Variants in COL12A1 observed in about 807,000 individuals in gnomAD.
COL12A1 encodes collagen alpha-1(XII) chain.
COL12A1 carries 114 observed loss-of-function variants against 349.7 expected under a neutral mutation model. The observed-to-expected ratio is 0.33, with a 90% confidence interval of 0.28 to 0.38. The LOEUF (loss-of-function observed/expected upper bound fraction) is 0.38, where lower values mean the gene tolerates loss of function less well. Among genes scored for constraint, COL12A1 ranks in the 10% least tolerant of loss-of-function variants. The probability of loss-of-function intolerance (pLI) is 1.00; values close to 1 mark genes in which losing one functional copy is unlikely to be tolerated. For synonymous variants in COL12A1, 1,369 were observed against 1,329.0 expected, an observed-to-expected ratio of 1.03 and a Z score of -0.66; for missense variants, 3,284 against 3,756.9, an observed-to-expected ratio of 0.87 and a Z score of 3.29.
chr6:75,184,152 G>A lies in COL12A1; in HGVS notation c.998-8C>T. The A allele has an allele frequency of 1.2e-6, 2 of 1,611,642 alleles. No homozygotes were observed. Among genetic ancestry groups the A allele is most frequent in the Non-Finnish European group, 1.7e-6 (2 of 1,178,862 alleles). ...TTGAAGGAGGCTCAACAACTAAAAA[G>A]TTACAAGCAGACAGTGATTAATAAC... On this transcript the variant is annotated splice_polypyrimidine_tract_variant and splice_region_variant and intron_variant, in intron 8 of 65. Transcript: ENST00000322507.
At chr6:75,124,214 C>T (rs746832746) in intron 41 of COL12A1, 41 bp downstream of exon 41, 3 of 1,598,558 alleles carry the variant, frequency 1.9e-6, no homozygotes, top group Non-Finnish European at 2.6e-6. Context: ...AATGTTTCCA[C>T]TACATGCTCC....
At chr6:75,143,205 T>A in intron 26 of COL12A1, 47 bp downstream of exon 26, 1 of 1,607,388 alleles carries the variant, frequency 6.2e-7, no homozygotes, top group Non-Finnish European at 8.5e-7. Context: ...TTTTTAAACC[T>A]ACTAGGAAAA....
chr6:75,090,159 C>A lies in COL12A1; in HGVS notation c.8892G>T (p.Arg2964=). The A allele has an allele frequency of 6.2e-7, 1 of 1,613,982 alleles. No homozygotes were observed. Among genetic ancestry groups the A allele is most frequent in the Non-Finnish European group, 8.5e-7 (1 of 1,180,000 alleles). Residue 2964 remains arginine, a synonymous_variant, in exon 63 of 66, where the codon CGG becomes CGT. Transcript: ENST00000322507. This position sits in a 1 kb window ranked among gnomAD's most constrained non-coding sequence, Gnocchi z 4.1. ...TCCCTGGTGTGCCCGGGAAGCCTGG[C>A]CGCCCCCCAGGCCCAGGTTCTCCTC... The part of the protein sequence containing the change: ...GARGEPGPGG[R]PGFPGTPGMQ...
intron 51 of COL12A1, 97 bp from the exon 52 acceptor site, chr6:75,109,264 C>T (rs375282786): frequency 6.3e-6 from 5 of 798,362 alleles, no homozygotes; most frequent in East Asian, 3.1e-5. Context: ...GTTTTTTAAG[C>T]TATTCTCATC....
rs1198205824 is a variant in COL12A1, at chr6:75,113,597, C to T, written c.7840+5G>A. 6.3e-7 allele frequency: 1 copy of T among 1,598,482 alleles called. No individual in the cohort carries two copies. Among genetic ancestry groups the T allele is most frequent in the Non-Finnish European group, 8.5e-7 (1 of 1,171,316 alleles). The stretch of plus-strand genomic sequence containing the variant: ...ATGCATGTGCCTTAAGATAAAAATT[C>T]TTACGATCTGCAATCACTCCAACTT... On this transcript the variant is annotated splice_donor_5th_base_variant and intron_variant, in intron 50 of 65. Coordinates refer to ENST00000322507, the MANE Select transcript of COL12A1 (RefSeq NM_004370.6).
chr6:75,155,543 C>T (rs939226310), intron 16 of COL12A1, 119 bp downstream of exon 16: 2 of 1,038,124 alleles, frequency 1.9e-6, no homozygotes, highest in Non-Finnish European at 1.4e-6. Flanking sequence ...ATTTTAAATA[C>T]TTTGCTGGCA....
intron 3 of COL12A1, among the ~76,000 whole-genome samples, chr6:75,194,567 A>G (rs2149482314): frequency 6.6e-6 from 1 of 152,318 alleles, no homozygotes; most frequent in Admixed American, 6.5e-5. Flanking sequence ...TACTAACAAT[A>G]TTCTGATCAG....
intron 8 of COL12A1, among the ~76,000 whole-genome samples, chr6:75,185,614 C>A (rs146472809): frequency 0.013 from 1,983 of 152,194 alleles, 40 homozygotes; most frequent in African/African-American, 0.046. Context: ...ACTAGAAACA[C>A]CTATTTTAAA....
chr6:75,148,840 T>G (rs762416937), intron 21 of COL12A1, among the ~76,000 whole-genome samples: 1 of 152,198 alleles, frequency 6.6e-6, no homozygotes, highest in Non-Finnish European at 1.5e-5. Flanking sequence ...AATCTCATCT[T>G]GAATTGTAGC....
At chr6:75,204,919 A>G (rs562229590) in intron 1 of COL12A1, among the ~76,000 whole-genome samples, 1 of 152,056 alleles carries the variant, frequency 6.6e-6, no homozygotes, top group Non-Finnish European at 1.5e-5. Context: ...CTAGAAGACT[A>G]CAGAGTCCGG....
rs573442601 is a variant in COL12A1, at chr6:75,173,491, C to T, written c.2710+1547G>A. Among the ~76,000 whole-genome samples, 18 of 152,212 alleles carry T rather than the reference C, an allele frequency of 1.2e-4. No homozygotes were observed. The East Asian group carries it at 3.5e-3, about 29-fold the overall frequency. On this transcript the variant is annotated intron_variant, in intron 13 of 65. Transcript: ENST00000322507. ...TCTCGAGTTCAAGTGATTCTCCTGC[C>T]TCAGCTTCCCAAGTAGCTGGGATTA...
chr6:75,137,368 G>A, intron 31 of COL12A1, 69 bp downstream of exon 31: 1 of 1,395,840 alleles, frequency 7.2e-7, no homozygotes. Context: ...ACTAAGCACT[G>A]AGGGGGAAAA....
At chr6:75,179,542 C>CAA (rs58457506) in intron 11 of COL12A1, among the ~76,000 whole-genome samples, 107 of 112,166 alleles carry the variant, frequency 9.5e-4, no homozygotes, top group East Asian at 2.6e-3. Flanking sequence ...CTAAACCATG[C>CAA]AAAAAAAAAA....
Position 75,134,912 on chromosome 6 carries a change from T to A in COL12A1, c.5395-57A>T, listed in dbSNP as rs926614428. Reference sequence around the variant, plus strand: ...CCTTGCTCTCTCCATCTCACTAATCTGTTAGAAAAAGCTCTTTCTACAGGG... The same window carrying A: ...CCTTGCTCTCTCCATCTCACTAATCAGTTAGAAAAAGCTCTTTCTACAGGG... On this transcript the variant is annotated intron_variant, in intron 31 of 65. Transcript: ENST00000322507. 5.8e-6 allele frequency: 9 copies of A among 1,546,812 alleles called. No individual in the cohort carries two copies. The African/African-American group carries it at 9.5e-5, about 16-fold the overall frequency.
intron 8 of COL12A1, among the ~76,000 whole-genome samples, chr6:75,187,017 G>A (rs1346860934): frequency 4.0e-5 from 6 of 151,512 alleles, no homozygotes; most frequent in Non-Finnish European, 7.4e-5. Context: ...ATAACTAATG[G>A]GTACTAGGCT....
rs370770079 is a variant in COL12A1 at position 75,154,563 on chromosome 6, C to A, written c.3444-26G>T. 2.5e-6 allele frequency: 4 copies of A among 1,571,418 alleles called. No individual in the cohort carries two copies. In the African/African-American group the frequency reaches 4.1e-5, roughly 16 times the overall value. ...CTAAAATGTTAAAGTATATATATAG[C>A]CTGTGAGAACCATAGGCTCAAGTGG... On this transcript the variant is annotated intron_variant, in intron 16 of 65. Coordinates refer to ENST00000322507, the MANE Select transcript of COL12A1 (RefSeq NM_004370.6).
intron 8 of COL12A1, among the ~76,000 whole-genome samples, chr6:75,186,636 T>C (rs1769637374): frequency 6.6e-6 from 1 of 152,168 alleles, no homozygotes; most frequent in African/African-American, 2.4e-5. Context: ...CCAAGGAATA[T>C]AAATCATCCT....
Position 75,121,344 on chromosome 6 carries a change from A to G in COL12A1, c.7044T>C (p.Asn2348=). The change falls in exon 44 of 66, where the codon AAT becomes AAC. Residue 2348 remains asparagine (N), a synonymous_variant. Transcript: ENST00000322507. ...TGATTTCATCAAAGCCTCCCACAGT[A>G]TTGAAGATGAATTTTACAACTTTGT... ...NFNKVVKFIF[N]TVGGFDEISP... 2 of 1,612,464 alleles carry G rather than the reference A, an allele frequency of 1.2e-6. No homozygotes were observed. The highest frequency in any genetic ancestry group is 1.1e-5 in the South Asian group (1 of 90,874).
In COL12A1 at chr6:75,180,950, G is replaced by T. The variant is rs1242457672; in HGVS notation, c.2153C>A (p.Thr718Asn). The change falls in exon 11 of 66, where the codon ACC becomes AAC. Residue 718 changes from threonine to asparagine, a missense_variant. Thr to Asn is a moderately conservative substitution (Grantham distance 65). Around this residue, in one of 2 missense-constraint regions of COL12A1, gnomAD observed 2,601 missense variants for 2,824.8 expected, o/e 0.92. Coordinates refer to ENST00000322507, the MANE Select transcript of COL12A1 (RefSeq NM_004370.6). ...AAACCCCATCACACCTTCTTCGGTGGTCTCCTCTCCAGCTAAGGGAATGCT... is the reference window on the plus strand; with the variant it reads ...AAACCCCATCACACCTTCTTCGGTGTTCTCCTCTCCAGCTAAGGGAATGCT... The part of the protein sequence containing the change: ...GFSIPLAGEE[T>N]TEEVKGAPRN... 1.2e-6 allele frequency: 2 copies of T among 1,610,232 alleles called. No individual in the cohort carries two copies. Among genetic ancestry groups the T allele is most frequent in the East Asian group, 2.2e-5 (1 of 44,812 alleles).
Sources: gnomAD v4.1 joint callset for allele counts (sites outside exome capture counted in the v4.1 genomes callset) on GRCh38, gnomAD v4.1.1 for gene constraint, gnomAD v4.1.1 regional missense constraint, Gnocchi (gnomAD v3.1) non-coding constraint, MANE v1.5 for transcripts, NCBI Gene and HGNC (gene_info 2026-07-23, HGNC 2026-07-21) for gene names.